ZNF76: variants seen among roughly 807,000 people sequenced by gnomAD.
ZNF76 encodes zinc finger protein 523.
ZNF76 carries 66 observed loss-of-function variants against 66.9 expected under a neutral mutation model. The observed-to-expected ratio is 0.99, with a 90% CI of 0.81 to 1.21. The LOEUF is 1.21. ZNF76 is among the 50% of genes most tolerant of loss of function. The pLI, the probability that ZNF76 is intolerant of heterozygous loss-of-function variation, is 0.00. For synonymous variants in ZNF76, 275 were observed against 296.1 expected (o/e 0.93, Z 0.73); for missense variants, 729 against 760.3 (o/e 0.96, Z 0.48).
Position 35,291,350 on chromosome 6 carries a change from G to A in ZNF76, c.698G>A (p.Ser233Asn). 1.2e-6 allele frequency: 2 copies of A among 1,614,118 alleles called. No individual in the cohort carries two copies. The highest frequency in any genetic ancestry group is 1.1e-5 in the South Asian group (1 of 91,074). The change falls in exon 8 of 14, where the codon AGC becomes AAC. Residue 233 changes from serine to asparagine, a missense_variant. By Grantham distance (46) the Ser-to-Asn change is conservative. Coordinates refer to ENST00000373953, the MANE Select transcript of ZNF76 (RefSeq NM_003427.5). ...TACAAGTGCCCAGAGGAGCTGTGCA[G>A]CAAGGCCTTCAAGACCTCAGGAGAC... ...KPYKCPEELC[S>N]KAFKTSGDLQ...
intron 1 of ZNF76, among the ~76,000 whole-genome samples, chr6:35,262,487 C>G (rs1050013070): frequency 6.6e-6 from 1 of 152,166 alleles, no homozygotes; most frequent in Non-Finnish European, 1.5e-5. Flanking sequence ...CCAGCCCTTT[C>G]CCTGTGAACT....
In ZNF76 at chr6:35,287,687, G is replaced by T; in HGVS notation, c.274G>T (p.Asp92Tyr). The T allele has an allele frequency of 6.2e-7, 1 of 1,614,160 alleles. No homozygotes were observed. Among genetic ancestry groups the T allele is most frequent in the South Asian group, 1.1e-5 (1 of 91,086 alleles). The change falls in exon 5 of 14, where the codon GAT becomes TAT. Residue 92 changes from aspartate to tyrosine, a missense_variant. By Grantham distance (160) the Asp-to-Tyr change is radical. Transcript: ENST00000373953. The surrounding 1 kb of genome is among the most constrained non-coding windows in gnomAD (Gnocchi z 4.0). ...CACCCTGGAAGCCGTCCAACTGGAA[G>T]ATGGCTCCACTGCCTACATTCACCA... ...PSTLEAVQLE[D>Y]GSTAYIHHPV...
At chr6:35,265,412 C>T (rs1263603417) in intron 1 of ZNF76, among the ~76,000 whole-genome samples, 2 of 151,368 alleles carry the variant, frequency 1.3e-5, no homozygotes, top group African/African-American at 4.9e-5. Context: ...GAGGCTGAGG[C>T]ACGAGAATCA....
rs966166154 is a variant in ZNF76, at chr6:35,294,051, C to T, written c.1494+136C>T. 1.7e-5 allele frequency: 18 copies of T among 1,065,464 alleles called. No homozygotes were observed. The Admixed American group carries it at 4.0e-4, about 24-fold the overall frequency. The allele number at this position is 1,065,464 out of a possible 1,614,324, so 66.0% of individuals were successfully genotyped here. A position where few individuals can be genotyped will look rare whatever the true frequency, so the allele number is the denominator to read the frequency against. On this transcript the variant is annotated intron_variant, in intron 12 of 13. Coordinates refer to ENST00000373953, the MANE Select transcript of ZNF76 (RefSeq NM_003427.5). ...CCCACAAAAGAAGGGGTCTTCCCCACAGTTCCTGGGCCATGAGCAGCTCTT... is the reference window on the plus strand; with the variant it reads ...CCCACAAAAGAAGGGGTCTTCCCCATAGTTCCTGGGCCATGAGCAGCTCTT...
intron 1 of ZNF76, among the ~76,000 whole-genome samples, chr6:35,271,077 A>G (rs1174061668): frequency 6.6e-6 from 1 of 152,180 alleles, no homozygotes; most frequent in Non-Finnish European, 1.5e-5. Context: ...TTCCTCATTT[A>G]TGTCTACGTA....
intron 1 of ZNF76, among the ~76,000 whole-genome samples, chr6:35,267,003 G>T (rs1488089456): frequency 6.6e-6 from 1 of 151,878 alleles, no homozygotes; most frequent in South Asian, 2.1e-4. Context: ...GTTTCACCGT[G>T]TTAACCAGGA....
chr6:35,290,890 G>A, intron 7 of ZNF76, 174 bp downstream of exon 7: 2 of 657,758 alleles, frequency 3.0e-6, no homozygotes, highest in South Asian at 3.8e-5. Context: ...GTGCAAGGCA[G>A]CATGGTTCAG....
intron 13 of ZNF76, 87 bp downstream of exon 13, chr6:35,294,656 G>T: frequency 1.0e-6 from 1 of 953,156 alleles, no homozygotes; most frequent in Non-Finnish European, 1.7e-6. Context: ...ATCTTGAAGA[G>T]AAGGGCATCT....
At chr6:35,286,459 G>A (rs1407374015) in intron 4 of ZNF76, 60 bp downstream of exon 4, 2 of 1,519,712 alleles carry the variant, frequency 1.3e-6, no homozygotes, top group African/African-American at 1.4e-5. Flanking sequence ...AGGATGGGGT[G>A]GCAGGACTGG....
chr6:35,295,225 A>T lies in ZNF76; in HGVS notation c.1690A>T (p.Thr564Ser). Residue 564 changes from threonine (T) to serine (S), a missense_variant, in exon 14 of 14, where the codon ACA becomes TCA. Physicochemically the swap from Thr to Ser is moderately conservative, Grantham distance 58. Coordinates refer to ENST00000373953, the MANE Select transcript of ZNF76 (RefSeq NM_003427.5). ...MQQGAVTLET[T>S]VSESGC Reference sequence around the variant, plus strand: ...GCAAGGGGCTGTGACCCTGGAGACAACAGTGTCGGAGAGTGGCTGCTGAGT... The same window carrying T: ...GCAAGGGGCTGTGACCCTGGAGACATCAGTGTCGGAGAGTGGCTGCTGAGT... The T allele has an allele frequency of 6.2e-7, 1 of 1,608,852 alleles. No homozygotes were observed.
In ZNF76 at chr6:35,293,759, G is replaced by A. The variant is rs774967594; in HGVS notation, c.1338G>A (p.Leu446=). The change falls in exon 12 of 14, where the codon CTG becomes CTA. Residue 446 remains leucine, a synonymous_variant. Transcript: ENST00000373953. ...TCCCCTCCTGTTGGCAGGTCAGCCTGTCCCCGGAAGACCTGCAGGCCCTGG... is the reference window on the plus strand; with the variant it reads ...TCCCCTCCTGTTGGCAGGTCAGCCTATCCCCGGAAGACCTGCAGGCCCTGG... The part of the protein sequence containing the change: ...ITQDGAQQVS[L]SPEDLQALGS... 19 of 1,613,774 alleles carry A rather than the reference G, an allele frequency of 1.2e-5. No individual in the cohort carries two copies. The Admixed American group carries it at 1.3e-4, about 11-fold the overall frequency.
At chr6:35,293,148 T>C (rs1328151387) in intron 11 of ZNF76, 104 bp downstream of exon 11, 2 of 1,396,628 alleles carry the variant, frequency 1.4e-6, no homozygotes, top group East Asian at 2.3e-5. Context: ...GCCACCCAGC[T>C]TCTTGTTTAA....
Position 35,294,493 on chromosome 6 carries a change from A to G in ZNF76, c.1532A>G (p.Asp511Gly), listed in dbSNP as rs187326924. 1 of 1,613,956 alleles carries G rather than the reference A, an allele frequency of 6.2e-7. No individual in the cohort carries two copies. Among genetic ancestry groups the G allele is most frequent in the Non-Finnish European group, 8.5e-7 (1 of 1,179,994 alleles). Residue 511 changes from aspartate (D) to glycine (G), a missense_variant, in exon 13 of 14, where the codon GAC (aspartate) becomes GGC (glycine). Coordinates refer to ENST00000373953, the MANE Select transcript of ZNF76 (RefSeq NM_003427.5). ...ACCTCTGGGGCTGTGGTGGCTGAGG[A>G]CTCAAGTGTAGCATCTCTTCGTCAT... ...IITSGAVVAE[D>G]SSVASLRHQQ...
intron 1 of ZNF76, among the ~76,000 whole-genome samples, chr6:35,264,074 A>G (rs1280176751): frequency 1.3e-5 from 2 of 152,162 alleles, no homozygotes. Flanking sequence ...TTCTGTCTTC[A>G]TCTCTTCCCT....
intron 12 of ZNF76, 183 bp from the exon 13 acceptor site, chr6:35,294,273 T>C: frequency 1.7e-6 from 1 of 599,450 alleles, no homozygotes; most frequent in East Asian, 2.8e-5. Context: ...AATTGGGCTC[T>C]AAGTTGGGAG....
intron 1 of ZNF76, among the ~76,000 whole-genome samples, chr6:35,275,700 T>C (rs1447892174): frequency 1.3e-5 from 2 of 152,134 alleles, no homozygotes; most frequent in Non-Finnish European, 2.9e-5. Context: ...TTACGAGACT[T>C]AGGAAGGAAA....
chr6:35,291,646 AG>A lies in ZNF76; in HGVS notation c.842del (p.Gly281AlafsTer124). The A allele has an allele frequency of 6.2e-7, 1 of 1,613,998 alleles. No individual in the cohort carries two copies. The highest frequency in any genetic ancestry group is 8.5e-7 in the Non-Finnish European group (1 of 1,179,958). ...IRKVHVRTHTGERPYTCPEPH... is the reference protein window; with the variant it reads ...IRKVHVRTHTXERPYTCPEPH... ...GCAAGGTACATGTGCGCACCCACAC[AG>A]GCGAGAGGCCCTACACCTGCCCGGA... On this transcript the variant is annotated frameshift_variant, in exon 9 of 14. Coordinates refer to ENST00000373953, the MANE Select transcript of ZNF76 (RefSeq NM_003427.5). LOFTEE classifies it high-confidence loss of function.
chr6:35,275,667 G>A (rs1787788132), intron 1 of ZNF76, among the ~76,000 whole-genome samples: 1 of 152,168 alleles, frequency 6.6e-6, no homozygotes, highest in Non-Finnish European at 1.5e-5. Context: ...GGGAACAACA[G>A]TAGCCTCTTT....
intron 5 of ZNF76, among the ~76,000 whole-genome samples, chr6:35,288,949 TAAAA>T (rs34352057): frequency 2.1e-5 from 2 of 95,772 alleles, no homozygotes; most frequent in African/African-American, 4.0e-5. Context: ...AGATCCTATC[TAAAA>T]AAAAAAAAAA....
Sources: gnomAD v4.1 joint callset for allele counts (sites outside exome capture counted in the v4.1 genomes callset) on GRCh38, gnomAD v4.1.1 for gene constraint, Gnocchi (gnomAD v3.1) non-coding constraint, MANE v1.5 for transcripts, NCBI Gene and HGNC (gene_info 2026-07-23, HGNC 2026-07-21) for gene names.